Variants in GPHN observed in about 807,000 individuals in gnomAD.
The protein encoded by GPHN is gephyrin.
In GPHN, 17 loss-of-function variants were observed where a neutral mutation model predicts 95.5. That is an observed-to-expected ratio of 0.18 (90% CI 0.12 to 0.27). The LOEUF is 0.27. Among genes scored for constraint, GPHN ranks in the 10% least tolerant of loss-of-function variants. GPHN has a pLI of 1.00. For synonymous variants in GPHN, 320 were observed against 322.5 expected (o/e 0.99, Z 0.08); for missense variants, 660 against 978.1 (o/e 0.67, Z 4.34).
chr14:66,810,089 A>T (rs2060699569), intron 3 of GPHN, among the ~76,000 whole-genome samples: 2 of 152,010 alleles, frequency 1.3e-5, no homozygotes, highest in Non-Finnish European at 1.5e-5. Flanking sequence ...ATTATATAAT[A>T]TATTTACACA....
the GPHN span, chr14:67,380,702 C>T: frequency 4.4e-6 from 7 of 1,583,184 alleles, no homozygotes; most frequent in African/African-American, 1.4e-5. Flanking sequence ...TGAAGATGAA[C>T]GGGAAGTACT....
At chr14:67,115,636 G>A (rs1291451635) in intron 16 of GPHN, among the ~76,000 whole-genome samples, 2 of 152,090 alleles carry the variant, frequency 1.3e-5, no homozygotes, top group African/African-American at 4.8e-5. Context: ...TTGGGAGGCT[G>A]AGGCAGAAGA....
the GPHN span, chr14:67,578,437 TG>T: frequency 2.1e-6 from 2 of 950,788 alleles, no homozygotes. This position sits in a 1 kb window ranked among gnomAD's most constrained non-coding sequence, Gnocchi z 5.0. Flanking sequence ...GGCTCTGGTT[TG>T]GGGAAAGAGT....
chr14:67,439,899 C>T, the GPHN span, among the ~76,000 whole-genome samples: 2,991 of 152,164 alleles, frequency 0.02, 172 homozygotes, highest in South Asian at 0.12. Flanking sequence ...GGTGCAGTGG[C>T]GTGATCTCGG....
intron 9 of GPHN, among the ~76,000 whole-genome samples, chr14:66,989,188 T>C (rs1290835218): frequency 3.3e-5 from 5 of 152,030 alleles, no homozygotes; most frequent in Admixed American, 2.0e-4. Context: ...CATATTCTTA[T>C]AGAATTTTGA....
chr14:66,932,460 T>TTTTTG (rs2066869212), intron 8 of GPHN, among the ~76,000 whole-genome samples: 5 of 128,178 alleles, frequency 3.9e-5, no homozygotes, highest in Non-Finnish European at 8.2e-5. Context: ...TTTTTTTTTT[T>TTTTTG]TTTTTTTTTT....
chr14:67,621,108 C>T, the GPHN span: 8 of 745,906 alleles, frequency 1.1e-5, no homozygotes, highest in African/African-American at 1.8e-5. Context: ...ATTCCGTCTG[C>T]GGCTTAAGAT....
the GPHN span, chr14:67,587,537 T>C: frequency 2.4e-6 from 1 of 413,672 alleles, no homozygotes; most frequent in South Asian, 2.2e-5. Flanking sequence ...ACTGAGGGCA[T>C]CAGTGCTATA....
At chr14:67,169,126 G>T in intron 21 of GPHN, 90 bp downstream of exon 21, 1 of 819,026 alleles carries the variant, frequency 1.2e-6, no homozygotes, top group Non-Finnish European at 2.1e-6. Context: ...AACATCTAGA[G>T]TTTTCTATTA....
chr14:67,712,064 C>T, the GPHN span, among the ~76,000 whole-genome samples: 1 of 152,144 alleles, frequency 6.6e-6, no homozygotes, highest in Non-Finnish European at 1.5e-5. Context: ...GGATTACAGA[C>T]ATGTGCCACC....
intron 1 of GPHN, among the ~76,000 whole-genome samples, chr14:66,565,988 A>G (rs1404407816): frequency 6.8e-6 from 1 of 147,936 alleles, no homozygotes; most frequent in Admixed American, 6.8e-5. Context: ...TTTGCTTTCT[A>G]TCTATTCATT....
At chr14:67,497,446 G>A in the GPHN span, among the ~76,000 whole-genome samples, 1 of 152,074 alleles carries the variant, frequency 6.6e-6, no homozygotes, top group Non-Finnish European at 1.5e-5. Context: ...GGGCAGCTCC[G>A]TCAGCACTAT....
At chr14:66,833,664 T>TTA (rs1555418218) in intron 4 of GPHN, among the ~76,000 whole-genome samples, 3,467 of 142,668 alleles carry the variant, frequency 0.024, 60 homozygotes, top group Non-Finnish European at 0.036. Flanking sequence ...ATGCCCTGGT[T>TTA]AAAAAAAAAA....
intron 4 of GPHN, among the ~76,000 whole-genome samples, chr14:66,848,514 A>G (rs554401365): frequency 6.6e-6 from 1 of 152,242 alleles, no homozygotes; most frequent in Non-Finnish European, 1.5e-5. Flanking sequence ...CTTCTCTTTT[A>G]CCAACAAGAA....
At chr14:67,358,542 G>T in the GPHN span, among the ~76,000 whole-genome samples, 13 of 152,078 alleles carry the variant, frequency 8.5e-5, no homozygotes, top group Non-Finnish European at 1.6e-4. Context: ...TCACTGAAAA[G>T]AAAAAGGGAA....
At chr14:66,920,853 G>A (rs1299105263) in intron 6 of GPHN, among the ~76,000 whole-genome samples, 1 of 152,038 alleles carries the variant, frequency 6.6e-6, no homozygotes, top group East Asian at 1.9e-4. Context: ...ACGATGTTTG[G>A]TTTTCCATTT....
At chr14:66,950,394 C>A (rs2068033398) in intron 8 of GPHN, among the ~76,000 whole-genome samples, 1 of 152,130 alleles carries the variant, frequency 6.6e-6, no homozygotes, top group South Asian at 2.1e-4. Context: ...AATTTTCAGA[C>A]CTTTGCTCTT....
chr14:67,586,744 AC>A, the GPHN span: 1 of 1,220,398 alleles, frequency 8.2e-7, no homozygotes, highest in Non-Finnish European at 1.1e-6. Context: ...CTCCTTTAAT[AC>A]CACCCCTGCT....
the GPHN span, among the ~76,000 whole-genome samples, chr14:67,622,242 C>G: frequency 6.6e-6 from 1 of 152,188 alleles, no homozygotes; most frequent in African/African-American, 2.4e-5. Context: ...TGAGGCAGCA[C>G]GGAGATTATG....
Sources: gnomAD v4.1 joint callset for allele counts (sites outside exome capture counted in the v4.1 genomes callset) on GRCh38, gnomAD v4.1.1 for gene constraint, Gnocchi (gnomAD v3.1) non-coding constraint, MANE v1.5 for transcripts, NCBI Gene and HGNC (gene_info 2026-07-23, HGNC 2026-07-21) for gene names.